The following FBXO34 variants were observed in gnomAD, a reference collection of about 807,000 sequenced individuals.
The protein encoded by FBXO34 is F-box only protein 34.
A neutral mutation model predicts 24.5 loss-of-function variants in FBXO34; 12 were observed. That is an observed-to-expected ratio of 0.49 (90% CI 0.31 to 0.79). FBXO34 has a LOEUF of 0.79. FBXO34 is among the 30% of genes least tolerant of loss of function. The pLI is 0.04. For synonymous variants in FBXO34, 320 were observed against 311.9 expected, an observed-to-expected ratio of 1.03 and a Z score of -0.27; for missense variants, 823 against 857.7, an observed-to-expected ratio of 0.96 and a Z score of 0.51.
chr14:55,327,908 GTTTTTTTTTTTTTTTTTTTTTT>G (rs386381425), intron 1 of FBXO34, among the ~76,000 whole-genome samples: 79 of 48,738 alleles, frequency 1.6e-3, no homozygotes, highest in Non-Finnish European at 2.2e-3. Context: ...GTTGTTGTTG[GTTTTTTTTTTTTTTTTTTTTTT>G]TTTTTTTTTT....
At chr14:55,316,117 AG>A (rs1354359802) in intron 1 of FBXO34, among the ~76,000 whole-genome samples, 1 of 151,148 alleles carries the variant, frequency 6.6e-6, no homozygotes, top group Non-Finnish European at 1.5e-5. Context: ...TTTTTTTGGT[AG>A]CATACTGCTC....
At chr14:55,283,968 G>GTGTGTGTGTC (rs1881658853) in intron 1 of FBXO34, among the ~76,000 whole-genome samples, 1 of 147,536 alleles carries the variant, frequency 6.8e-6, no homozygotes, top group South Asian at 2.1e-4. Context: ...GTGTGTGTGT[G>GTGTGTGTGTC]TGTGTGTCTG....
the FBXO34 span, chr14:55,424,198 C>T: frequency 6.2e-7 from 1 of 1,613,434 alleles, no homozygotes; most frequent in Non-Finnish European, 8.5e-7. Context: ...ATAAGCAACA[C>T]AATTCGTGGT....
chr14:55,355,811 C>A (rs2140098663), downstream of FBXO34, among the ~76,000 whole-genome samples: 1 of 152,314 alleles, frequency 6.6e-6, no homozygotes, highest in South Asian at 2.1e-4. Context: ...TCTCGAGTGA[C>A]CATTTTAATG....
At position 55,281,673 on chromosome 14, in the gene FBXO34, C is replaced by T. The variant is rs370557584; in HGVS notation, c.-11+10136C>T. On this transcript the variant is annotated intron_variant, in intron 1 of 1. Coordinates refer to ENST00000313833, the MANE Select transcript of FBXO34 (RefSeq NM_017943.4). ...TTTACGAAGTCTATTCCCATAAAAC[C>T]TTGTTGGACTCACCAATCCCTCTGT... Among the ~76,000 whole-genome samples, 52 of 152,304 alleles carry T rather than the reference C, an allele frequency of 3.4e-4. 1 individual carries two copies. The highest frequency in any genetic ancestry group is 1.3e-3 in the African/African-American group (52 of 41,568).
intron 1 of FBXO34, among the ~76,000 whole-genome samples, chr14:55,281,663 C>A (rs1352064313): frequency 6.6e-6 from 1 of 152,192 alleles, no homozygotes; most frequent in African/African-American, 2.4e-5. Flanking sequence ...GAAGTCTATT[C>A]CCATAAAACC....
At chr14:55,369,816 C>G (rs151094115), downstream of FBXO34, 1 of 1,614,212 alleles carries the variant, frequency 6.2e-7, no homozygotes, top group Admixed American at 1.7e-5. Context: ...AGGTCGGTTT[C>G]TTCATCGCTG....
At chr14:55,293,600 C>CTTT (rs755217620) in intron 1 of FBXO34, among the ~76,000 whole-genome samples, 5 of 144,990 alleles carry the variant, frequency 3.4e-5, no homozygotes, top group African/African-American at 1.3e-4. Flanking sequence ...TAAATCTCTG[C>CTTT]TTTTTTTTTT....
intron 1 of FBXO34, among the ~76,000 whole-genome samples, chr14:55,278,673 A>T (rs923035587): frequency 6.6e-6 from 1 of 152,310 alleles, no homozygotes; most frequent in South Asian, 2.1e-4. Flanking sequence ...AAAGTATTTT[A>T]AAAAATTGTT....
intron 3 of FBXO34, among the ~76,000 whole-genome samples, chr14:55,358,905 C>T (rs529730353): frequency 4.0e-5 from 6 of 151,882 alleles, no homozygotes; most frequent in East Asian, 1.9e-4. Context: ...AATAGAACCA[C>T]GGGGTGATTG....
the FBXO34 span, chr14:55,440,308 G>C: frequency 6.7e-7 from 1 of 1,496,276 alleles, no homozygotes; most frequent in South Asian, 1.2e-5. Flanking sequence ...TGGTCGCTAT[G>C]AGTTTTAAGA....
At chr14:55,337,717 T>C (rs1474008539) in intron 1 of FBXO34, among the ~76,000 whole-genome samples, 1 of 152,234 alleles carries the variant, frequency 6.6e-6, no homozygotes, top group Admixed American at 6.5e-5. Flanking sequence ...AGTTAAATAT[T>C]TGATAAACAA....
chr14:55,419,139 T>C, the FBXO34 span, among the ~76,000 whole-genome samples: 1 of 152,390 alleles, frequency 6.6e-6, no homozygotes, highest in Non-Finnish European at 1.5e-5. Flanking sequence ...GGTGTTATTG[T>C]AGACTTGCAA....
the FBXO34 span, among the ~76,000 whole-genome samples, chr14:55,410,382 C>A: frequency 5.9e-5 from 9 of 152,204 alleles, no homozygotes; most frequent in Non-Finnish European, 1.2e-4. Context: ...CCTCGATTCA[C>A]TCCATCAGTT....
At chr14:55,279,233 C>G (rs1408398146) in intron 1 of FBXO34, among the ~76,000 whole-genome samples, 1 of 149,650 alleles carries the variant, frequency 6.7e-6, no homozygotes, top group Non-Finnish European at 1.5e-5. Flanking sequence ...CTGCAGTGAG[C>G]TGAGGTCATG....
chr14:55,370,395 A>T (rs1386432852), downstream of FBXO34, among the ~76,000 whole-genome samples: 1 of 139,496 alleles, frequency 7.2e-6, no homozygotes, highest in Non-Finnish European at 1.6e-5. Flanking sequence ...GTACATATTT[A>T]AAAATATCAC....
At chr14:55,299,132 A>G (rs912589244) in intron 1 of FBXO34, 28 of 1,248,920 alleles carry the variant, frequency 2.2e-5, no homozygotes, top group Non-Finnish European at 3.3e-5. Flanking sequence ...AACAGGAGGA[A>G]CCAGACAAGA....
At chr14:55,299,435 G>A (rs1882266659) in intron 1 of FBXO34, among the ~76,000 whole-genome samples, 1 of 151,684 alleles carries the variant, frequency 6.6e-6, no homozygotes, top group Non-Finnish European at 1.5e-5. Flanking sequence ...GGCTGTGGGG[G>A]AGAAGTGCCT....
the FBXO34 span, among the ~76,000 whole-genome samples, chr14:55,421,856 C>A: frequency 6.6e-6 from 1 of 152,178 alleles, no homozygotes; most frequent in Non-Finnish European, 1.5e-5. Context: ...ACAGACATGT[C>A]ATTTTGCTGG....
Sources: allele counts gnomAD v4.1 joint callset (sites outside exome capture counted in the v4.1 genomes callset), GRCh38; gene constraint gnomAD v4.1.1; transcripts MANE v1.5; gene names NCBI Gene and HGNC (gene_info 2026-07-23, HGNC 2026-07-21).